Variants in EBF1 observed in about 807,000 individuals in gnomAD.
EBF1 encodes transcription factor COE1.
Under a neutral mutation model 68.4 loss-of-function variants are expected in EBF1, and 10 were observed. The ratio of observed to expected loss-of-function variants is 0.15; its 90% CI spans 0.09 to 0.25. The LOEUF is 0.25. Ranked by LOEUF, EBF1 falls within the 10% of genes least tolerant of loss-of-function variation. EBF1 has a pLI of 1.00. For missense variants in EBF1, 509 were observed against 794.4 expected, an observed-to-expected ratio of 0.64 and a Z score of 4.32; for synonymous variants, 298 against 299.8, an observed-to-expected ratio of 0.99 and a Z score of 0.06.
intron 6 of EBF1, among the ~76,000 whole-genome samples, chr5:159,031,330 T>C (rs1000498893): frequency 6.6e-6 from 1 of 152,224 alleles, no homozygotes; most frequent in Non-Finnish European, 1.5e-5. Flanking sequence ...TTTAACAACA[T>C]GTCCAGAATC....
rs61380054 is a variant in EBF1 at position 158,737,266 on chromosome 5, ATTTTTTTTTTTTTT to A, written c.1037-6123_1037-6110del. ...CCAAACTGCCTTTGAACATGCCCTG[ATTTTTTTTTTTTTT>A]TTTTTTTTTTTTTTTTTTTTTGAGA... On this transcript the variant is annotated intron_variant, in intron 10 of 15. Coordinates refer to ENST00000313708, the MANE Select transcript of EBF1 (RefSeq NM_024007.5). Among the ~76,000 whole-genome samples, 29 of 55,646 alleles carry A rather than the reference ATTTTTTTTTTTTTT, an allele frequency of 5.2e-4. No individual in the cohort carries two copies. In the South Asian group the frequency reaches 9.9e-3, roughly 19 times the overall value. 36.5% of individuals were successfully genotyped at this position (55,646 alleles called of 152,430 possible).
intron 6 of EBF1, among the ~76,000 whole-genome samples, chr5:158,989,965 A>G (rs1214071162): frequency 2.6e-5 from 4 of 152,222 alleles, no homozygotes; most frequent in Non-Finnish European, 1.5e-5. Flanking sequence ...CAACGAGAAT[A>G]CAAGATGGAA....
chr5:158,825,911 G>A (rs1174106871), intron 7 of EBF1, among the ~76,000 whole-genome samples: 1 of 151,462 alleles, frequency 6.6e-6, no homozygotes, highest in Non-Finnish European at 1.5e-5. Context: ...AATCCACAGA[G>A]CGACTTGTAA....
chr5:159,067,742 C>T (rs912886991), intron 6 of EBF1, among the ~76,000 whole-genome samples: 4 of 152,206 alleles, frequency 2.6e-5, no homozygotes, highest in Admixed American at 6.5e-5. Context: ...AGTCTCATCG[C>T]TAATAATCAC....
At chr5:158,993,287 A>G (rs566951075) in intron 6 of EBF1, among the ~76,000 whole-genome samples, 2 of 152,038 alleles carry the variant, frequency 1.3e-5, no homozygotes, top group African/African-American at 4.8e-5. Context: ...AGCTCAGGCA[A>G]TCCACCCACC....
chr5:158,845,765 C>CT (rs1791368884), intron 6 of EBF1, among the ~76,000 whole-genome samples: 1 of 151,458 alleles, frequency 6.6e-6, no homozygotes. Context: ...ACTACAGCAG[C>CT]TTTACCCAAA....
At chr5:159,070,202 C>T (rs1777557711) in intron 6 of EBF1, among the ~76,000 whole-genome samples, 3 of 152,150 alleles carry the variant, frequency 2.0e-5, no homozygotes, top group African/African-American at 7.2e-5. Context: ...GGGTTATGTG[C>T]TTCTTAATCA....
chr5:158,777,310 C>A, intron 10 of EBF1, 103 bp downstream of exon 10: 1 of 1,281,080 alleles, frequency 7.8e-7, no homozygotes, highest in Non-Finnish European at 1.0e-6. Flanking sequence ...CAGGCTTTAA[C>A]TAGATTTTAA....
In EBF1 at chr5:158,794,497, G is replaced by C. The variant is rs377208816; in HGVS notation, c.909+1848C>G. On this transcript the variant is annotated intron_variant, in intron 9 of 15. Transcript: ENST00000313708. ...AGGTGCAAATGCATGATTTCCTGAT[G>C]TGTCCTTATTCCATATTCAATGGAG... Among the ~76,000 whole-genome samples the C allele has an allele frequency of 6.6e-5, 10 of 152,178 alleles. No individual in the cohort carries two copies. In the South Asian group the frequency reaches 2.1e-3, roughly 31 times the overall value.
At chr5:158,843,838 C>T (rs1025072049) in intron 6 of EBF1, among the ~76,000 whole-genome samples, 8 of 152,160 alleles carry the variant, frequency 5.3e-5, no homozygotes, top group African/African-American at 1.2e-4. Flanking sequence ...ACATGGCACA[C>T]GAATTTGGGG....
In EBF1 at chr5:158,945,564, T is replaced by C. The variant is rs571444392; in HGVS notation, c.555-105454A>G. ...CTGCTGTTAGTCTGATGGGCTTCCC[T>C]TTGTGGGTAACCCAACCTTTCTCTC... On this transcript the variant is annotated intron_variant, in intron 6 of 15. Transcript: ENST00000313708. Among the ~76,000 whole-genome samples, 195 of 152,348 alleles carry C rather than the reference T, an allele frequency of 1.3e-3. 1 individual carries two copies. The highest frequency in any genetic ancestry group is 4.4e-3 in the African/African-American group (184 of 41,568).
intron 6 of EBF1, among the ~76,000 whole-genome samples, chr5:159,059,562 T>C (rs1407908300): frequency 1.3e-5 from 2 of 152,234 alleles, no homozygotes; most frequent in African/African-American, 2.4e-5. Context: ...ATTTGAGTAA[T>C]TCTGCATTTT....
chr5:158,993,508 G>T (rs1760796784), intron 6 of EBF1, among the ~76,000 whole-genome samples: 1 of 152,148 alleles, frequency 6.6e-6, no homozygotes, highest in Admixed American at 6.6e-5. Context: ...CTACTCACAG[G>T]CATAGCAATG....
chr5:158,823,974 T>G, intron 7 of EBF1, among the ~76,000 whole-genome samples: 1 of 152,060 alleles, frequency 6.6e-6, no homozygotes. Context: ...AAGACATAAT[T>G]TAGACACTGA....
At chr5:158,802,275 A>G (rs1478521191) in intron 8 of EBF1, among the ~76,000 whole-genome samples, 1 of 152,174 alleles carries the variant, frequency 6.6e-6, no homozygotes, top group Non-Finnish European at 1.5e-5. Context: ...TCGATGTGAC[A>G]TTATGAAAGC....
chr5:158,902,264 C>T (rs1032809874), intron 6 of EBF1, among the ~76,000 whole-genome samples: 5 of 152,126 alleles, frequency 3.3e-5, no homozygotes, highest in Non-Finnish European at 5.9e-5. Context: ...GCTGTAGAGA[C>T]ACAACCACAC....
intron 6 of EBF1, among the ~76,000 whole-genome samples, chr5:158,963,832 C>T (rs183101798): frequency 3.9e-5 from 6 of 152,286 alleles, no homozygotes; most frequent in Admixed American, 3.3e-4. Flanking sequence ...TGCTTTGTTT[C>T]CTTCCTCCCA....
At chr5:158,954,036 T>G (rs1816568153) in intron 6 of EBF1, among the ~76,000 whole-genome samples, 1 of 152,254 alleles carries the variant, frequency 6.6e-6, no homozygotes, top group African/African-American at 2.4e-5. Flanking sequence ...GTTAAACCTT[T>G]TCTCAGGTTT....
intron 8 of EBF1, among the ~76,000 whole-genome samples, chr5:158,799,536 T>C (rs924158672): frequency 2.0e-5 from 3 of 152,158 alleles, no homozygotes; most frequent in Non-Finnish European, 2.9e-5. Context: ...TAATGCAATG[T>C]AGAAAACCCT....
Sources: gnomAD v4.1 joint callset for allele counts (sites outside exome capture counted in the v4.1 genomes callset) on GRCh38, gnomAD v4.1.1 for gene constraint, MANE v1.5 for transcripts, NCBI Gene and HGNC (gene_info 2026-07-23, HGNC 2026-07-21) for gene names.